The following MAGI2 variants were observed in gnomAD, a reference collection of about 807,000 sequenced individuals.
MAGI2 encodes membrane associated guanylate kinase, WW and PDZ domain containing 2, also known as membrane-associated guanylate kinase, WW and PDZ domain-containing protein 2.
In MAGI2, 35 loss-of-function variants were observed where a neutral mutation model predicts 133.3. The observed-to-expected ratio is 0.26, with a 90% CI of 0.20 to 0.35. MAGI2 has a LOEUF of 0.35. Among genes scored for constraint, MAGI2 ranks in the 10% least tolerant of loss-of-function variants. The pLI is 1.00. For synonymous variants in MAGI2, 729 were observed against 710.6 expected (o/e 1.03, Z -0.41); for missense variants, 1,636 against 1,863.4 (o/e 0.88, Z 2.25).
chr7:78,943,255 A>G (rs1801133413), intron 2 of MAGI2, among the ~76,000 whole-genome samples: 1 of 152,156 alleles, frequency 6.6e-6, no homozygotes, highest in Non-Finnish European at 1.5e-5. Flanking sequence ...TACCTGAGTT[A>G]TTGACCCGAT....
At chr7:78,817,661 AT>A (rs890393752) in intron 2 of MAGI2, among the ~76,000 whole-genome samples, 71 of 151,992 alleles carry the variant, frequency 4.7e-4, no homozygotes, top group Admixed American at 2.8e-3. Context: ...ACATATGTAC[AT>A]TTTTTAGACA....
At chr7:79,240,866 G>T (rs1832346062) in intron 1 of MAGI2, among the ~76,000 whole-genome samples, 1 of 152,026 alleles carries the variant, frequency 6.6e-6, no homozygotes, top group Admixed American at 6.6e-5. Flanking sequence ...TCTTAGGCAG[G>T]TACTCACAGC....
intron 2 of MAGI2, among the ~76,000 whole-genome samples, chr7:78,778,216 C>T (rs1826131942): frequency 6.6e-6 from 1 of 152,190 alleles, no homozygotes; most frequent in African/African-American, 2.4e-5. Context: ...GAGTCTCCTG[C>T]TTAATGAGAC....
chr7:78,227,078 A>C (rs1789463928), intron 10 of MAGI2, among the ~76,000 whole-genome samples: 1 of 152,204 alleles, frequency 6.6e-6, no homozygotes, highest in Admixed American at 6.5e-5. Context: ...CAAGGCTTCC[A>C]CCCTCTCCAC....
At chr7:79,035,838 A>G (rs959434168) in intron 1 of MAGI2, among the ~76,000 whole-genome samples, 2 of 152,210 alleles carry the variant, frequency 1.3e-5, no homozygotes, top group African/African-American at 4.8e-5. Context: ...TAGAAACCCA[A>G]TTCACAATCC....
intron 2 of MAGI2, among the ~76,000 whole-genome samples, chr7:78,672,367 C>G (rs1007644915): frequency 6.6e-5 from 10 of 152,126 alleles, no homozygotes; most frequent in Admixed American, 2.0e-4. Flanking sequence ...TAACCAGAAG[C>G]AAATGCTGGC....
intron 1 of MAGI2, chr7:79,414,823 T>C (rs1169923885): frequency 6.6e-6 from 1 of 152,150 alleles, no homozygotes; most frequent in Non-Finnish European, 1.5e-5. Context: ...CCTCTTTACG[T>C]CTTTCCATGA....
At chr7:79,314,867 G>T (rs1838582000) in intron 1 of MAGI2, among the ~76,000 whole-genome samples, 1 of 152,134 alleles carries the variant, frequency 6.6e-6, no homozygotes, top group Non-Finnish European at 1.5e-5. Context: ...GAATTTTGGA[G>T]CCAGGTAGAG....
At chr7:78,965,194 ATTAATGTTATTGTTAATAACAACATAT>A (rs1283693176) in intron 2 of MAGI2, among the ~76,000 whole-genome samples, 1 of 151,594 alleles carries the variant, frequency 6.6e-6, no homozygotes, top group Non-Finnish European at 1.5e-5. Flanking sequence ...TATAAATCTA[ATTAATGTTATTGTTAATAACAACATAT>A]ATTATCAATG....
At chr7:79,169,250 A>T (rs568570997) in intron 1 of MAGI2, among the ~76,000 whole-genome samples, 131 of 152,128 alleles carry the variant, frequency 8.6e-4, no homozygotes, top group Non-Finnish European at 1.4e-3. Context: ...GTTGGTACTC[A>T]TTAAATATCT....
chr7:79,253,705 A>G (rs1424629323), intron 1 of MAGI2, among the ~76,000 whole-genome samples: 1 of 152,196 alleles, frequency 6.6e-6, no homozygotes, highest in African/African-American at 2.4e-5. Context: ...TAAAAATGTC[A>G]AGTTTGATAG....
At chr7:78,423,145 T>C (rs1030756409) in intron 6 of MAGI2, among the ~76,000 whole-genome samples, 4 of 152,176 alleles carry the variant, frequency 2.6e-5, no homozygotes, top group Non-Finnish European at 5.9e-5. Context: ...ACAATTCCCA[T>C]GTATTATGGG....
chr7:78,202,682 CAAA>C (rs59358280), intron 10 of MAGI2, among the ~76,000 whole-genome samples: 4 of 70,534 alleles, frequency 5.7e-5, no homozygotes, highest in Non-Finnish European at 1.0e-4. Flanking sequence ...GACTCTGTCT[CAAA>C]AAAAAAAAAA....
chr7:78,681,728 G>T (rs546622490), intron 2 of MAGI2, among the ~76,000 whole-genome samples: 10 of 152,206 alleles, frequency 6.6e-5, no homozygotes, highest in Admixed American at 2.0e-4. Context: ...CATGAGGAAG[G>T]TTACTCAGAG....
intron 21 of MAGI2, among the ~76,000 whole-genome samples, chr7:78,049,238 A>T (rs117351611): frequency 6.6e-6 from 1 of 152,342 alleles, no homozygotes; most frequent in East Asian, 1.9e-4. Flanking sequence ...ATAAAAGACG[A>T]GACGGCATCT....
At chr7:78,684,350 T>TC (rs1348672974) in intron 2 of MAGI2, among the ~76,000 whole-genome samples, 1 of 152,036 alleles carries the variant, frequency 6.6e-6, no homozygotes, top group Non-Finnish European at 1.5e-5. Flanking sequence ...CAGCCTATGA[T>TC]CCCCCAGTTA....
At chr7:79,103,484 T>C (rs4730648) in intron 1 of MAGI2, among the ~76,000 whole-genome samples, 151,477 of 152,220 alleles carry the variant, frequency 1, 75,373 homozygotes, top group East Asian at 1. Context: ...ACAGATAAAT[T>C]TTAATCCAGC....
Position 78,551,163 on chromosome 7 carries a change from T to C in MAGI2, c.539-29518A>G, listed in dbSNP as rs1799302092. ...TGTATCTTAACAATGCTTCCTTGTA[T>C]AGTACAATTTTTATCATTGACTTAG... On this transcript the variant is annotated intron_variant, in intron 3 of 21. Coordinates refer to ENST00000354212, the MANE Select transcript of MAGI2 (RefSeq NM_012301.4). 2.6e-5 allele frequency among the ~76,000 whole-genome samples: 4 copies of C among 152,230 alleles called. No individual in the cohort carries two copies. In the South Asian group the frequency reaches 6.2e-4, roughly 24 times the overall value.
chr7:78,594,248 A>T (rs1248053747), intron 3 of MAGI2, among the ~76,000 whole-genome samples: 2 of 152,174 alleles, frequency 1.3e-5, no homozygotes, highest in African/African-American at 2.4e-5. Context: ...CTACAATTTA[A>T]TTCCTATTCT....
Sources: allele counts gnomAD v4.1 joint callset (sites outside exome capture counted in the v4.1 genomes callset), GRCh38; gene constraint gnomAD v4.1.1; transcripts MANE v1.5; gene names NCBI Gene and HGNC (gene_info 2026-07-23, HGNC 2026-07-21).